RAB18: variants seen among roughly 807,000 people sequenced by gnomAD.
RAB18 encodes the protein ras-related protein Rab-18.
RAB18 carries 10 observed loss-of-function variants against 28.5 expected under a neutral mutation model. That is an observed-to-expected ratio of 0.35 (90% CI 0.22 to 0.60). The LOEUF is 0.60. Among genes scored for constraint, RAB18 ranks in the 20% least tolerant of loss-of-function variants. The probability of loss-of-function intolerance (pLI) is 0.78; values close to 1 mark genes in which losing one functional copy is unlikely to be tolerated. For synonymous variants in RAB18, 93 were observed against 86.9 expected, an observed-to-expected ratio of 1.07 and a Z score of -0.39; for missense variants, 188 against 244.2, an observed-to-expected ratio of 0.77 and a Z score of 1.53.
At chr10:27,508,337 T>C (rs1030209465) in intron 1 of RAB18, among the ~76,000 whole-genome samples, 3 of 152,262 alleles carry the variant, frequency 2.0e-5, no homozygotes, top group Admixed American at 6.5e-5. Context: ...GAAAAACCTC[T>C]GGCTTTGTGT....
intron 2 of RAB18, among the ~76,000 whole-genome samples, chr10:27,524,129 T>C (rs937939937): frequency 2.6e-5 from 4 of 152,104 alleles, no homozygotes; most frequent in African/African-American, 9.7e-5. Context: ...GAAGTCTCGC[T>C]GTTTTGCTGG....
Position 27,538,807 on chromosome 10 carries a change from G to A in RAB18, c.*756G>A, listed in dbSNP as rs571782173. The stretch of plus-strand genomic sequence containing the variant: ...GTTTTCCCCCATTTTGGTTTCAGGA[G>A]GACATGAATAGTGTGTTTATTGTAA... On this transcript the variant is annotated 3_prime_UTR_variant, in exon 7 of 7. Coordinates refer to ENST00000356940, the MANE Select transcript of RAB18 (RefSeq NM_021252.5). 2.6e-5 allele frequency: 12 copies of A among 453,912 alleles called. No homozygotes were observed. Among genetic ancestry groups the A allele is most frequent in the Non-Finnish European group, 1.3e-5 (3 of 226,764 alleles). The allele number at this position is 453,912 out of a possible 1,614,324, so 28.1% of individuals were successfully genotyped here. A position where few individuals can be genotyped will look rare whatever the true frequency, so the allele number is the denominator to read the frequency against.
At chr10:27,504,485 C>T (rs753321377) in intron 1 of RAB18, 48 bp downstream of exon 1, 17 of 1,539,864 alleles carry the variant, frequency 1.1e-5, no homozygotes, top group East Asian at 2.4e-5. Flanking sequence ...GCTCTTTCTG[C>T]CCCGGTGGCT....
Position 27,526,580 on chromosome 10 carries a change from C to G in RAB18, c.125-248C>G, listed in dbSNP as rs192145837. On this transcript the variant is annotated intron_variant, in intron 2 of 6. Coordinates refer to ENST00000356940, the MANE Select transcript of RAB18 (RefSeq NM_021252.5). The stretch of plus-strand genomic sequence containing the variant: ...CACCTTAAATTGAATTTCGTTTTTC[C>G]TTTTTGGAAGAATAGAAGGTAGGTG... Among the ~76,000 whole-genome samples, 212 of 152,226 alleles carry G rather than the reference C, an allele frequency of 1.4e-3. 2 individuals are homozygous for G. In the Middle Eastern group the frequency reaches 0.02, roughly 15 times the overall value.
intron 2 of RAB18, among the ~76,000 whole-genome samples, chr10:27,522,498 A>T (rs1589574805): frequency 6.6e-6 from 1 of 152,164 alleles, no homozygotes; most frequent in South Asian, 2.1e-4. Context: ...TTTAAAAAGT[A>T]TTCTGCCAAT....
intron 4 of RAB18, among the ~76,000 whole-genome samples, chr10:27,533,361 A>G (rs749837089): frequency 1.3e-5 from 2 of 149,486 alleles, no homozygotes; most frequent in Non-Finnish European, 3.0e-5. Context: ...ACATTCATGT[A>G]TTTTTTTTTT....
At chr10:27,504,776 G>GC in intron 1 of RAB18, 1 of 553,036 alleles carries the variant, frequency 1.8e-6, no homozygotes, top group Non-Finnish European at 3.6e-6. Flanking sequence ...CCCGAATCCG[G>GC]CCGGGGGCGC....
At chr10:27,525,756 A>G (rs1170367889) in intron 2 of RAB18, among the ~76,000 whole-genome samples, 1 of 152,204 alleles carries the variant, frequency 6.6e-6, no homozygotes, top group African/African-American at 2.4e-5. Flanking sequence ...GCACATTTTG[A>G]ATGTGCATTT....
intron 2 of RAB18, among the ~76,000 whole-genome samples, chr10:27,524,318 G>T (rs1319142698): frequency 1.3e-5 from 2 of 152,136 alleles, no homozygotes; most frequent in Admixed American, 6.5e-5. Flanking sequence ...TGTAACATCT[G>T]TGTCAGTTCT....
At chr10:27,536,051 C>T (rs1331473598) in intron 6 of RAB18, among the ~76,000 whole-genome samples, 1 of 150,344 alleles carries the variant, frequency 6.7e-6, no homozygotes, top group African/African-American at 2.5e-5. Flanking sequence ...CACTGCACTC[C>T]AGCCTGGGCG....
Position 27,538,868 on chromosome 10 carries a change from A to G in RAB18, c.*817A>G, listed in dbSNP as rs1276570632. On this transcript the variant is annotated 3_prime_UTR_variant, in exon 7 of 7. Transcript: ENST00000356940. ...ACTTTTAAAACCAACATCTTTTTTC[A>G]TAAATGTTGGTAGTGTTTGTCCAGG... is the stretch of plus-strand genomic sequence containing the variant. 4 of 453,792 alleles carry G rather than the reference A, an allele frequency of 8.8e-6. No homozygotes were observed. Among genetic ancestry groups the G allele is most frequent in the South Asian group, 1.6e-5 (1 of 64,470 alleles). 28.1% of individuals were successfully genotyped at this position (453,792 alleles called of 1,614,324 possible). A position where few individuals can be genotyped will look rare whatever the true frequency, so the allele number is the denominator to read the frequency against.
Position 27,538,695 on chromosome 10 carries a change from C to T in RAB18, c.*644C>T, listed in dbSNP as rs551940522. ...TTCAATGATTAGCTCAGTTGCTTAA[C>T]TGGAGTTTTAATCCTGTGATATGTA... On this transcript the variant is annotated 3_prime_UTR_variant, in exon 7 of 7. Coordinates refer to ENST00000356940, the MANE Select transcript of RAB18 (RefSeq NM_021252.5). 2.4e-5 allele frequency: 11 copies of T among 454,084 alleles called. No homozygotes were observed. The highest frequency in any genetic ancestry group is 1.8e-4 in the African/African-American group (9 of 50,104). The allele number at this position is 454,084 out of a possible 1,614,324, so 28.1% of individuals were successfully genotyped here.
At chr10:27,508,213 A>G (rs575517700) in intron 1 of RAB18, among the ~76,000 whole-genome samples, 6 of 152,302 alleles carry the variant, frequency 3.9e-5, no homozygotes, top group South Asian at 2.1e-4. Context: ...GATCTGATGT[A>G]TACCCAGAGC....
chr10:27,524,185 C>T (rs1249068009), intron 2 of RAB18, among the ~76,000 whole-genome samples: 1 of 152,240 alleles, frequency 6.6e-6, no homozygotes. Context: ...CCACCTTAGC[C>T]TCTCAAAGTG....
At chr10:27,535,069 G>A (rs532013718) in intron 6 of RAB18, among the ~76,000 whole-genome samples, 1 of 152,240 alleles carries the variant, frequency 6.6e-6, no homozygotes, top group East Asian at 1.9e-4. Context: ...ACATTATAAG[G>A]GGAGAGAGAA....
At chr10:27,509,010 A>G (rs900738301) in intron 1 of RAB18, among the ~76,000 whole-genome samples, 8 of 152,342 alleles carry the variant, frequency 5.3e-5, no homozygotes, top group African/African-American at 1.2e-4. Flanking sequence ...AAGAGTTTCT[A>G]ATAACTGACA....
intron 1 of RAB18, chr10:27,504,920 G>A (rs1287310502): frequency 7.6e-6 from 4 of 525,942 alleles, no homozygotes; most frequent in Admixed American, 2.0e-5. Context: ...GACGCCTTAG[G>A]TCCCATTCCT....
chr10:27,515,900 A>T (rs968885226), intron 2 of RAB18, among the ~76,000 whole-genome samples: 16 of 152,148 alleles, frequency 1.1e-4, no homozygotes, highest in African/African-American at 3.6e-4. Flanking sequence ...GTAACTTGGA[A>T]AGTATTCATT....
At position 27,525,427 on chromosome 10, in the gene RAB18, C is replaced by CT. The variant is rs10655072; in HGVS notation, c.125-1389dup. Among the ~76,000 whole-genome samples the CT allele has an allele frequency of 1.8e-3, 266 of 145,960 alleles. 1 individual carries two copies. Among genetic ancestry groups the CT allele is most frequent in the African/African-American group, 2.7e-3 (107 of 39,730 alleles). Reference sequence around the variant, plus strand: ...GAATTTTCTCAGGGTTTGTGCTTTGCTTTTTTTTTTTTAAAGCAATAGGAA... The same window carrying CT: ...GAATTTTCTCAGGGTTTGTGCTTTGCTTTTTTTTTTTTTAAAGCAATAGGAA... On this transcript the variant is annotated intron_variant, in intron 2 of 6. Coordinates refer to ENST00000356940, the MANE Select transcript of RAB18 (RefSeq NM_021252.5).
Sources: allele counts gnomAD v4.1 joint callset (sites outside exome capture counted in the v4.1 genomes callset), GRCh38; gene constraint gnomAD v4.1.1; transcripts MANE v1.5; gene names NCBI Gene and HGNC (gene_info 2026-07-23, HGNC 2026-07-21).